LAMB1: variants seen among roughly 807,000 people sequenced by gnomAD.
The protein encoded by LAMB1 is laminin subunit beta 1.
Under a neutral mutation model 222.3 loss-of-function variants are expected in LAMB1, and 121 were observed. The observed-to-expected ratio is 0.54, with a 90% confidence interval of 0.47 to 0.63. The LOEUF is 0.63. LAMB1 is among the 30% of genes least tolerant of loss of function. The pLI, the probability that LAMB1 is intolerant of heterozygous loss-of-function variation, is 0.00. For missense variants in LAMB1, 2,172 were observed against 2,240.8 expected (o/e 0.97, Z 0.62); for synonymous variants, 794 against 807.2 (o/e 0.98, Z 0.28).
Position 107,940,281 on chromosome 7 carries a change from C to A in LAMB1, c.3469G>T (p.Val1157Phe). Reference sequence around the variant, plus strand: ...CACTTGTCACAGCGTGGACCCTCAACACCCTCAACGCAGACACACTGGCCC... The same window carrying A: ...CACTTGTCACAGCGTGGACCCTCAAAACCCTCAACGCAGACACACTGGCCC... The part of the protein sequence containing the change: ...STGQCVCVEG[V>F]EGPRCDKCTR... Residue 1157 changes from valine (V) to phenylalanine (F), a missense_variant, in exon 25 of 34, where the codon GTT becomes TTT. Coordinates refer to ENST00000222399, the MANE Select transcript of LAMB1 (RefSeq NM_002291.3). The A allele has an allele frequency of 6.2e-7, 1 of 1,614,234 alleles. No homozygotes were observed. Among genetic ancestry groups the A allele is most frequent in the Non-Finnish European group, 8.5e-7 (1 of 1,180,030 alleles).
At chr7:107,962,718 A>C (rs2150429733) in intron 15 of LAMB1, among the ~76,000 whole-genome samples, 187 bp downstream of exon 15, 1 of 152,178 alleles carries the variant, frequency 6.6e-6, no homozygotes, top group Admixed American at 6.5e-5. Context: ...AAAAAAAAAA[A>C]AAAAAAAGAA....
intron 24 of LAMB1, among the ~76,000 whole-genome samples, chr7:107,941,134 C>T (rs4727693): frequency 0.62 from 94,817 of 152,014 alleles, 29,837 homozygotes; most frequent in East Asian, 0.85. Context: ...GTTGGCACCT[C>T]ATGCAAAGCC....
rs566731699 is a variant in LAMB1, at chr7:107,990,211, T to A, written c.424-3848A>T. Among the ~76,000 whole-genome samples, 128 of 152,088 alleles carry A rather than the reference T, an allele frequency of 8.4e-4. 2 individuals are homozygous for A. Among genetic ancestry groups the A allele is most frequent in the African/African-American group, 3.0e-3 (125 of 41,490 alleles). ...GTGCCACCATGCCTGGCTAATTTTT[T>A]AATTTTTTGTAGAGACAGGGTCTTG... On this transcript the variant is annotated intron_variant, in intron 5 of 33. Transcript: ENST00000222399.
intron 4 of LAMB1, among the ~76,000 whole-genome samples, chr7:107,995,230 G>A (rs1024841868): frequency 6.6e-6 from 1 of 152,170 alleles, no homozygotes; most frequent in Non-Finnish European, 1.5e-5. Context: ...CTGGCAGAGT[G>A]CCTCTAGCTG....
chr7:107,997,791 T>G (rs10229305), intron 4 of LAMB1, among the ~76,000 whole-genome samples: 30 of 151,936 alleles, frequency 2.0e-4, no homozygotes, highest in Admixed American at 2.0e-3. Flanking sequence ...AAATCCCAAA[T>G]AGCAAAGACA....
rs921019838 is a variant in LAMB1, at chr7:107,939,877, A to T, written c.3761+112T>A. 7.3e-6 allele frequency: 9 copies of T among 1,236,652 alleles called. No individual in the cohort carries two copies. In the African/African-American group the frequency reaches 1.0e-4, roughly 14 times the overall value. The allele number at this position is 1,236,652 out of a possible 1,614,324, so 76.6% of individuals were successfully genotyped here. On this transcript the variant is annotated intron_variant, in intron 25 of 33. Coordinates refer to ENST00000222399, the MANE Select transcript of LAMB1 (RefSeq NM_002291.3). ...AATGGCTCAGAATCTGTTCTCACCC[A>T]CAGGACTAACAAAACCTCCTGATGG...
chr7:107,936,604 G>A (rs2032853306), intron 26 of LAMB1, among the ~76,000 whole-genome samples: 1 of 152,166 alleles, frequency 6.6e-6, no homozygotes, highest in Non-Finnish European at 1.5e-5. Context: ...GCATAAAACA[G>A]TATGGATAGT....
At chr7:107,980,211 A>G (rs1415991488) in intron 8 of LAMB1, among the ~76,000 whole-genome samples, 1 of 140,264 alleles carries the variant, frequency 7.1e-6, no homozygotes, top group African/African-American at 2.7e-5. Context: ...CTGTCTCAAG[A>G]AAAAAAAAAA....
chr7:108,001,517 G>A (rs908550940), intron 3 of LAMB1, 41 bp downstream of exon 3: 18 of 1,535,988 alleles, frequency 1.2e-5, no homozygotes, highest in East Asian at 4.6e-5. Context: ...TGGACGGGAG[G>A]AGGCGCTAGC....
intron 26 of LAMB1, among the ~76,000 whole-genome samples, chr7:107,936,874 C>A (rs112904103): frequency 6.6e-6 from 1 of 152,002 alleles, no homozygotes. Flanking sequence ...TACTGCCATT[C>A]ACTCTGTGGG....
Position 107,940,112 on chromosome 7 carries a change from A to G in LAMB1, c.3638T>C (p.Ile1213Thr), listed in dbSNP as rs1200378851. 6.2e-7 allele frequency: 1 copy of G among 1,613,886 alleles called. No individual in the cohort carries two copies. The highest frequency in any genetic ancestry group is 8.5e-7 in the Non-Finnish European group (1 of 1,179,990). The change falls in exon 25 of 34, where the codon ATC becomes ACC. Residue 1213 changes from isoleucine (I) to threonine (T), a missense_variant. Transcript: ENST00000222399. ...KAKALKISGV[I>T]GPYRETVDSV... is the part of the protein sequence containing the mutation. ...GTCCACAGTCTCACGGTAAGGCCCG[A>G]TCACACCACTGATCTTCAAGGCCTT...
intron 24 of LAMB1, among the ~76,000 whole-genome samples, chr7:107,949,416 G>A (rs994001284): frequency 5.9e-5 from 9 of 152,180 alleles, no homozygotes; most frequent in Admixed American, 2.0e-4. Flanking sequence ...TATGTGCAAC[G>A]ATAGAGCCAT....
intron 20 of LAMB1, among the ~76,000 whole-genome samples, chr7:107,956,031 G>T: frequency 6.6e-6 from 1 of 152,220 alleles, no homozygotes; most frequent in East Asian, 1.9e-4. Context: ...CAGGTAGCTG[G>T]GATTATAGGC....
intron 5 of LAMB1, among the ~76,000 whole-genome samples, chr7:107,988,266 C>T (rs762974046): frequency 1.3e-5 from 2 of 152,132 alleles, no homozygotes; most frequent in Non-Finnish European, 2.9e-5. Flanking sequence ...GTGGAAGAGG[C>T]GTGAAAGCAT....
At chr7:107,975,667 T>C (rs1037000338) in intron 10 of LAMB1, 22 bp downstream of exon 10, 6 of 1,597,944 alleles carry the variant, frequency 3.8e-6, no homozygotes, top group Non-Finnish European at 5.1e-6. Flanking sequence ...TCCCACACAG[T>C]GAGTGACATT....
chr7:107,975,488 C>T, intron 10 of LAMB1, 75 bp from the exon 11 acceptor site: 2 of 1,388,186 alleles, frequency 1.4e-6, no homozygotes, highest in South Asian at 1.4e-5. Context: ...CATATATTCC[C>T]TTCCTCCCTC....
At chr7:107,936,857 A>T (rs2032859749) in intron 26 of LAMB1, among the ~76,000 whole-genome samples, 1 of 151,998 alleles carries the variant, frequency 6.6e-6, no homozygotes, top group Admixed American at 6.6e-5. Flanking sequence ...TACCATTCTG[A>T]TACAACTACT....
chr7:107,933,958 G>A (rs1017838018), intron 27 of LAMB1, among the ~76,000 whole-genome samples: 1 of 151,968 alleles, frequency 6.6e-6, no homozygotes, highest in African/African-American at 2.4e-5. Context: ...TTTCTTGTAG[G>A]TCACACAGAA....
chr7:108,001,805 G>T (rs775924452), intron 2 of LAMB1, 72 bp from the exon 3 acceptor site: 1 of 1,581,448 alleles, frequency 6.3e-7, no homozygotes, highest in Non-Finnish European at 8.6e-7. Context: ...ACGAACAAGC[G>T]GGGGCGGGGG....
Sources: gnomAD v4.1 joint callset for allele counts (sites outside exome capture counted in the v4.1 genomes callset) on GRCh38, gnomAD v4.1.1 for gene constraint, MANE v1.5 for transcripts, NCBI Gene and HGNC (gene_info 2026-07-23, HGNC 2026-07-21) for gene names.